Variants in ATP2A2 observed in about 807,000 individuals in gnomAD.
The protein encoded by ATP2A2 is ATPase sarcoplasmic/endoplasmic reticulum Ca2+ transporting 2.
A neutral mutation model predicts 109.3 loss-of-function variants in ATP2A2; 14 were observed. The observed-to-expected ratio is 0.13, with a 90% confidence interval of 0.08 to 0.20. The LOEUF (loss-of-function observed/expected upper bound fraction) is 0.20, where lower values mean the gene tolerates loss of function less well. ATP2A2 is among the 10% of genes least tolerant of loss of function. The pLI, the probability that ATP2A2 is intolerant of heterozygous loss-of-function variation, is 1.00. For missense variants in ATP2A2, 657 were observed against 1,321.6 expected (o/e 0.50, Z 7.80); for synonymous variants, 506 against 490.9 (o/e 1.03, Z -0.41).
intron 5 of ATP2A2, among the ~76,000 whole-genome samples, chr12:110,322,495 T>C (rs966308358): frequency 2.0e-5 from 3 of 152,126 alleles, no homozygotes; most frequent in Admixed American, 1.3e-4. Flanking sequence ...AAAGTGGTGT[T>C]ACTGTGTAGT....
Position 110,349,356 on chromosome 12 carries a change from T to C in ATP2A2, c.*2886T>C, listed in dbSNP as rs1880187226. On this transcript the variant is annotated 3_prime_UTR_variant, in exon 20 of 20. Coordinates refer to ENST00000539276, the MANE Select transcript of ATP2A2 (RefSeq NM_170665.4). ...GCCTGAAACTTACTTCCACATTCTT[T>C]CCTGATGGGCAGGTGGCTGAAGGCC... 4 of 985,386 alleles carry C rather than the reference T, an allele frequency of 4.1e-6. No individual in the cohort carries two copies. In the African/African-American group the frequency reaches 5.2e-5, roughly 13 times the overall value. The allele number at this position is 985,386 out of a possible 1,614,324, so 61.0% of individuals were successfully genotyped here.
In ATP2A2 at chr12:110,309,004, T is replaced by C. The variant is rs113398119; in HGVS notation, c.463+12267T>C. Reference sequence around the variant, plus strand: ...GTAGTCACTGTTTGGAATGTAAGGGTCATCTCCTGACTTTAAAATTCTTTG... The same window carrying C: ...GTAGTCACTGTTTGGAATGTAAGGGCCATCTCCTGACTTTAAAATTCTTTG... On this transcript the variant is annotated intron_variant, in intron 5 of 19. Coordinates refer to ENST00000539276, the MANE Select transcript of ATP2A2 (RefSeq NM_170665.4). Among the ~76,000 whole-genome samples, 301 of 152,174 alleles carry C rather than the reference T, an allele frequency of 2.0e-3. 2 individuals carry two copies. The highest frequency in any genetic ancestry group is 6.9e-3 in the African/African-American group (285 of 41,508).
intron 11 of ATP2A2, among the ~76,000 whole-genome samples, chr12:110,336,974 A>T (rs560752367): frequency 6.6e-6 from 1 of 152,160 alleles, no homozygotes; most frequent in Non-Finnish European, 1.5e-5. Context: ...TGAGGGTTTG[A>T]GTCGTTTGAT....
rs10665212 is a variant in ATP2A2, at chr12:110,309,140, A to ATTTTTTTTTTTT, written c.463+12427_463+12438dup. Among the ~76,000 whole-genome samples, 23 of 48,902 alleles carry ATTTTTTTTTTTT rather than the reference A, an allele frequency of 4.7e-4. 3 individuals carry two copies. Among genetic ancestry groups the ATTTTTTTTTTTT allele is most frequent in the Middle Eastern group, 0.015 (1 of 66 alleles). The allele number at this position is 48,902 out of a possible 152,430, so 32.1% of individuals were successfully genotyped here. On this transcript the variant is annotated intron_variant, in intron 5 of 19. Transcript: ENST00000539276. ...ATGGAGAGAGAGTTTAAGGAAACTAATTTTTTTTTTTTTTTTTTTTTTTTT... is the reference window on the plus strand; with the variant it reads ...ATGGAGAGAGAGTTTAAGGAAACTAATTTTTTTTTTTTTTTTTTTTTTTTTTTTTTTTTTTTT...
chr12:110,345,744 T>A, intron 18 of ATP2A2: 1 of 588,750 alleles, frequency 1.7e-6, no homozygotes, highest in East Asian at 3.0e-5. Flanking sequence ...ATAGCCCAAG[T>A]CTCCAGGGCA....
At chr12:110,332,275 A>G in intron 8 of ATP2A2, 2 of 374,850 alleles carry the variant, frequency 5.3e-6, no homozygotes, top group South Asian at 2.4e-5. Context: ...GCTGACCGGG[A>G]GTCCTCATAA....
Position 110,334,161 on chromosome 12 carries a change from G to A in ATP2A2, c.1419+18G>A, listed in dbSNP as rs929071541. ...GCAACTCAGTGAGTATTTGAACCTG[G>A]TTTATTGTTCATGCTGCTTATCAGT... On this transcript the variant is annotated intron_variant, in intron 11 of 19. Coordinates refer to ENST00000539276, the MANE Select transcript of ATP2A2 (RefSeq NM_170665.4). 4 of 1,613,252 alleles carry A rather than the reference G, an allele frequency of 2.5e-6. No individual in the cohort carries two copies. In the African/African-American group the frequency reaches 4.0e-5, roughly 16 times the overall value.
intron 5 of ATP2A2, among the ~76,000 whole-genome samples, chr12:110,302,632 C>G (rs1874803953): frequency 6.6e-6 from 1 of 151,524 alleles, no homozygotes; most frequent in African/African-American, 2.4e-5. Context: ...CAGGGTCTCA[C>G]TCTGCTGTGC....
At chr12:110,325,147 T>G (rs1026265074) in intron 6 of ATP2A2, among the ~76,000 whole-genome samples, 1 of 152,130 alleles carries the variant, frequency 6.6e-6, no homozygotes, top group Non-Finnish European at 1.5e-5. Context: ...AAAAAAAAAT[T>G]TAAACTTCAT....
At chr12:110,344,005 C>T (rs1879605333) in intron 16 of ATP2A2, among the ~76,000 whole-genome samples, 1 of 152,108 alleles carries the variant, frequency 6.6e-6, no homozygotes, top group South Asian at 2.1e-4. Flanking sequence ...CACACAATGG[C>T]ATAGAATGGA....
chr12:110,309,140 ATTTTTTTTTTTTTT>A (rs10665212), intron 5 of ATP2A2, among the ~76,000 whole-genome samples: 93 of 48,908 alleles, frequency 1.9e-3, no homozygotes, highest in South Asian at 4.8e-3. Flanking sequence ...AAGGAAACTA[ATTTTTTTTTTTTTT>A]TTTTTTTTTT....
chr12:110,289,482 T>G (rs952068637), intron 3 of ATP2A2, among the ~76,000 whole-genome samples: 1 of 152,214 alleles, frequency 6.6e-6, no homozygotes, highest in Non-Finnish European at 1.5e-5. Flanking sequence ...TCATTCTGGT[T>G]GTCTGTTTGC....
In ATP2A2 at chr12:110,350,086, C is replaced by A. The variant is rs1880261126; in HGVS notation, c.*3616C>A. ...GCCAGACGACACGAGGAGTCTGTGT[C>A]ACTGAGCCAGTGCTTCTAGATGCTA... On this transcript the variant is annotated 3_prime_UTR_variant, in exon 20 of 20. Transcript: ENST00000539276. The A allele has an allele frequency of 1.4e-6, 2 of 1,454,124 alleles. No homozygotes were observed. Among genetic ancestry groups the A allele is most frequent in the Non-Finnish European group, 1.8e-6 (2 of 1,108,534 alleles). The allele number at this position is 1,454,124 out of a possible 1,614,324, so 90.1% of individuals were successfully genotyped here. A position where few individuals can be genotyped will look rare whatever the true frequency, so the allele number is the denominator to read the frequency against.
At chr12:110,307,205 C>A (rs898765081) in intron 5 of ATP2A2, among the ~76,000 whole-genome samples, 1 of 149,524 alleles carries the variant, frequency 6.7e-6, no homozygotes, top group African/African-American at 2.5e-5. Flanking sequence ...TATAAGTGTT[C>A]CCCCCAGCCC....
intron 5 of ATP2A2, among the ~76,000 whole-genome samples, chr12:110,312,864 A>AG (rs1876237554): frequency 6.6e-6 from 1 of 151,816 alleles, no homozygotes. Context: ...AAAAAAAAAA[A>AG]AGAAAACAAA....
chr12:110,295,447 G>A (rs1016554962), intron 4 of ATP2A2, among the ~76,000 whole-genome samples: 2 of 152,188 alleles, frequency 1.3e-5, no homozygotes, highest in African/African-American at 4.8e-5. Context: ...TTACAGGCAT[G>A]AGCTACTGTG....
intron 15 of ATP2A2, 135 bp from the exon 16 acceptor site, chr12:110,343,097 G>A: frequency 3.3e-6 from 3 of 919,240 alleles, no homozygotes. Flanking sequence ...TTCAAAATTG[G>A]GTATAAGTAT....
At chr12:110,286,691 CTCTT>C (rs1178567719) in intron 3 of ATP2A2, among the ~76,000 whole-genome samples, 1 of 148,616 alleles carries the variant, frequency 6.7e-6, no homozygotes, top group Non-Finnish European at 1.5e-5. Flanking sequence ...TTTCCATTTC[CTCTT>C]TATTTAAAAA....
At chr12:110,295,644 A>T (rs1330809167) in intron 4 of ATP2A2, among the ~76,000 whole-genome samples, 2 of 152,170 alleles carry the variant, frequency 1.3e-5, no homozygotes, top group Admixed American at 1.3e-4. Flanking sequence ...GGGTATATAC[A>T]TCAAAACTGA....
Sources: allele counts gnomAD v4.1 joint callset (sites outside exome capture counted in the v4.1 genomes callset), GRCh38; gene constraint gnomAD v4.1.1; transcripts MANE v1.5; gene names NCBI Gene and HGNC (gene_info 2026-07-23, HGNC 2026-07-21).